Variants in HHAT observed in about 807,000 individuals in gnomAD.
HHAT encodes the protein protein-cysteine N-palmitoyltransferase HHAT.
In HHAT, 47 loss-of-function variants were observed where a neutral mutation model predicts 70.8. The ratio of observed to expected loss-of-function variants is 0.66; its 90% CI spans 0.53 to 0.85. HHAT has a LOEUF of 0.85. Among genes scored for constraint, HHAT ranks in the 40% least tolerant of loss-of-function variants. HHAT has a pLI of 0.00. For synonymous variants in HHAT, 228 were observed against 247.6 expected (o/e 0.92, Z 0.74); for missense variants, 609 against 604.8 (o/e 1.01, Z -0.07).
At chr1:210,373,971 C>G (rs905956852) in intron 3 of HHAT, among the ~76,000 whole-genome samples, 2 of 152,076 alleles carry the variant, frequency 1.3e-5, no homozygotes, top group African/African-American at 4.8e-5. Context: ...TCAGATGTCA[C>G]CAGGGAAAGT....
At chr1:210,581,305 T>G (rs192540514) in intron 9 of HHAT, among the ~76,000 whole-genome samples, 1 of 152,366 alleles carries the variant, frequency 6.6e-6, no homozygotes, top group Admixed American at 6.5e-5. Flanking sequence ...ACCTAGAAGA[T>G]GGAGATTTGG....
At chr1:210,512,119 C>A (rs911243079) in intron 8 of HHAT, among the ~76,000 whole-genome samples, 2 of 152,130 alleles carry the variant, frequency 1.3e-5, no homozygotes, top group Non-Finnish European at 2.9e-5. Flanking sequence ...CATAGCCCAG[C>A]GCTATGGGAT....
chr1:210,601,403 G>A (rs890069346), intron 10 of HHAT, among the ~76,000 whole-genome samples: 1 of 152,120 alleles, frequency 6.6e-6, no homozygotes, highest in Admixed American at 6.5e-5. Flanking sequence ...GAGAAGAGCT[G>A]TGGCATTTGG....
chr1:210,647,132 GAC>G (rs1316361809), intron 11 of HHAT, among the ~76,000 whole-genome samples: 1 of 152,176 alleles, frequency 6.6e-6, no homozygotes, highest in Non-Finnish European at 1.5e-5. Flanking sequence ...CTCTCTTCGA[GAC>G]TTGGTAGAAT....
chr1:210,384,130 G>A (rs1285469520), intron 3 of HHAT, among the ~76,000 whole-genome samples: 2 of 152,198 alleles, frequency 1.3e-5, no homozygotes, highest in South Asian at 2.1e-4. Flanking sequence ...TTGCTAGGAC[G>A]TTAGAGTTAC....
intron 10 of HHAT, among the ~76,000 whole-genome samples, chr1:210,600,558 G>A (rs1169105116): frequency 6.6e-6 from 1 of 152,106 alleles, no homozygotes. Flanking sequence ...CTTTATGAGA[G>A]GAGGGATTGT....
intron 9 of HHAT, among the ~76,000 whole-genome samples, chr1:210,523,198 C>G (rs1346889785): frequency 6.6e-6 from 1 of 152,118 alleles, no homozygotes; most frequent in South Asian, 2.1e-4. Flanking sequence ...AGTGGGTCTT[C>G]AGGCTACCTT....
intron 8 of HHAT, among the ~76,000 whole-genome samples, chr1:210,490,203 T>C (rs531936743): frequency 6.6e-6 from 1 of 152,334 alleles, no homozygotes; most frequent in South Asian, 2.1e-4. Flanking sequence ...TGCCAAGGCC[T>C]TCAAGTCATG....
At chr1:210,538,457 G>A (rs1208769692) in intron 9 of HHAT, among the ~76,000 whole-genome samples, 1 of 152,044 alleles carries the variant, frequency 6.6e-6, no homozygotes, top group Non-Finnish European at 1.5e-5. Flanking sequence ...AGAGTAATAA[G>A]CCTTAAATAG....
chr1:210,394,435 G>C (rs151016977), intron 4 of HHAT, among the ~76,000 whole-genome samples: 4 of 152,184 alleles, frequency 2.6e-5, no homozygotes, highest in African/African-American at 4.8e-5. Context: ...GTTATGATTG[G>C]ATTGGATGTC....
chr1:210,562,113 C>T (rs1396220325), intron 9 of HHAT, among the ~76,000 whole-genome samples: 1 of 152,110 alleles, frequency 6.6e-6, no homozygotes, highest in Non-Finnish European at 1.5e-5. Flanking sequence ...GAGATTACAA[C>T]TTATAGATAT....
chr1:210,614,164 C>A (rs1282750839), intron 10 of HHAT, among the ~76,000 whole-genome samples: 1 of 150,042 alleles, frequency 6.7e-6, no homozygotes, highest in Non-Finnish European at 1.5e-5. Context: ...GTATTTTATT[C>A]TTTTTGATGC....
At chr1:210,413,110 T>C (rs2092614699) in intron 6 of HHAT, among the ~76,000 whole-genome samples, 1 of 152,230 alleles carries the variant, frequency 6.6e-6, no homozygotes, top group Non-Finnish European at 1.5e-5. Flanking sequence ...AGGGTCAAAA[T>C]ATTCACAGTA....
intron 1 of HHAT, among the ~76,000 whole-genome samples, chr1:210,343,356 A>G (rs1407607408): frequency 2.0e-5 from 3 of 152,152 alleles, no homozygotes; most frequent in Non-Finnish European, 4.4e-5. Context: ...AGTTACTTTT[A>G]AGTTTTCATT....
At chr1:210,641,983 A>T (rs909183033) in intron 11 of HHAT, among the ~76,000 whole-genome samples, 2 of 152,238 alleles carry the variant, frequency 1.3e-5, no homozygotes, top group African/African-American at 2.4e-5. Context: ...TTACATGTGT[A>T]AAACTGTGCT....
chr1:210,433,930 G>C (rs557230954), intron 7 of HHAT, among the ~76,000 whole-genome samples: 1 of 151,914 alleles, frequency 6.6e-6, no homozygotes, highest in Non-Finnish European at 1.5e-5. Flanking sequence ...TCTACATGGG[G>C]TTACCTCTGC....
intron 10 of HHAT, among the ~76,000 whole-genome samples, chr1:210,615,208 C>G (rs1488585147): frequency 6.6e-6 from 1 of 152,154 alleles, no homozygotes; most frequent in Non-Finnish European, 1.5e-5. Context: ...CATTAAATGT[C>G]TCCTTTTGAG....
chr1:210,573,719 A>C (rs1656919248), intron 9 of HHAT, among the ~76,000 whole-genome samples: 1 of 152,216 alleles, frequency 6.6e-6, no homozygotes, highest in Non-Finnish European at 1.5e-5. Flanking sequence ...CCTTTTGCTC[A>C]GGGTATCTCC....
At chr1:210,583,918 A>G (rs1296975440) in intron 9 of HHAT, among the ~76,000 whole-genome samples, 1 of 133,472 alleles carries the variant, frequency 7.5e-6, no homozygotes, top group Non-Finnish European at 1.6e-5. Context: ...TTTGTGTGCT[A>G]TGGTTTTCTG....
Sources: allele counts gnomAD v4.1 joint callset (sites outside exome capture counted in the v4.1 genomes callset), GRCh38; gene constraint gnomAD v4.1.1; transcripts MANE v1.5; gene names NCBI Gene and HGNC (gene_info 2026-07-23, HGNC 2026-07-21).